The following ARHGAP25 variants were observed in gnomAD, a reference collection of about 807,000 sequenced individuals.
ARHGAP25 encodes the protein rho GTPase-activating protein 25.
In ARHGAP25, 34 loss-of-function variants were observed where a neutral mutation model predicts 71.0. The observed-to-expected ratio is 0.48, with a 90% CI of 0.36 to 0.64. The LOEUF is 0.64. Among genes scored for constraint, ARHGAP25 ranks in the 30% least tolerant of loss-of-function variants. The pLI, the probability that ARHGAP25 is intolerant of heterozygous loss-of-function variation, is 0.00. For missense variants in ARHGAP25, 706 were observed against 805.1 expected (o/e 0.88, Z 1.49); for synonymous variants, 282 against 296.5 (o/e 0.95, Z 0.50).
intron 4 of ARHGAP25, among the ~76,000 whole-genome samples, chr2:68,800,177 G>C (rs1470308234): frequency 6.6e-6 from 1 of 152,012 alleles, no homozygotes; most frequent in East Asian, 1.9e-4. Context: ...AGTGCTGAGC[G>C]GGCAGGCACA....
rs113791999 is a variant in ARHGAP25 at position 68,751,477 on chromosome 2, G to A, written c.61+16217G>A. On this transcript the variant is annotated intron_variant, in intron 1 of 10. Coordinates refer to ENST00000409202, the MANE Select transcript of ARHGAP25 (RefSeq NM_001007231.3). ...CAGTTAAGACTCTTACTATCCTCCA[G>A]TTAGCAGTAGATTTCCTCCTATTCG... is the stretch of plus-strand genomic sequence containing the variant. Among the ~76,000 whole-genome samples, 1,228 of 152,300 alleles carry A rather than the reference G, an allele frequency of 8.1e-3. 15 individuals carry two copies. Among genetic ancestry groups the A allele is most frequent in the African/African-American group, 0.028 (1,146 of 41,556 alleles).
At chr2:68,807,859 A>T (rs1440146404) in intron 5 of ARHGAP25, among the ~76,000 whole-genome samples, 2 of 152,200 alleles carry the variant, frequency 1.3e-5, no homozygotes, top group African/African-American at 4.8e-5. Flanking sequence ...CACTCAGTGT[A>T]GTGGAGAATG....
At chr2:68,808,715 C>A (rs1030009146) in intron 5 of ARHGAP25, among the ~76,000 whole-genome samples, 1 of 152,162 alleles carries the variant, frequency 6.6e-6, no homozygotes, top group African/African-American at 2.4e-5. Flanking sequence ...TATTCAGTTT[C>A]TTTTTATGTT....
At chr2:68,711,914 T>G (rs750655269) in intron 2 of ARHGAP25, among the ~76,000 whole-genome samples, 26 of 152,188 alleles carry the variant, frequency 1.7e-4, no homozygotes, top group Non-Finnish European at 3.7e-4. Context: ...ATCCAGTCTA[T>G]CATTGTGCAT....
chr2:68,816,244 G>A (rs756317698), intron 6 of ARHGAP25, 45 bp from the exon 7 acceptor site: 6 of 1,502,984 alleles, frequency 4.0e-6, no homozygotes, highest in South Asian at 2.3e-5. Flanking sequence ...ACATGGGCAG[G>A]CTCATTTACT....
chr2:68,819,583 C>T (rs763616928), intron 9 of ARHGAP25: 96 of 638,516 alleles, frequency 1.5e-4, no homozygotes, highest in Admixed American at 2.4e-4. Context: ...CTGAAGCCCA[C>T]TCTGAAAGAG....
At chr2:68,734,545 A>C (rs981373826), upstream of ARHGAP25, among the ~76,000 whole-genome samples, 1 of 152,206 alleles carries the variant, frequency 6.6e-6, no homozygotes, top group Non-Finnish European at 1.5e-5. Context: ...CCATTTTTGG[A>C]TGCTTGATCC....
intron 1 of ARHGAP25, among the ~76,000 whole-genome samples, chr2:68,737,018 A>G (rs1675256235): frequency 6.6e-6 from 1 of 152,132 alleles, no homozygotes; most frequent in South Asian, 2.1e-4. Context: ...AGCCAACAAA[A>G]ACAAGCAGAT....
intron 2 of ARHGAP25, among the ~76,000 whole-genome samples, chr2:68,778,769 G>A (rs549969645): frequency 2.0e-5 from 3 of 152,298 alleles, no homozygotes; most frequent in South Asian, 2.1e-4. Flanking sequence ...TATTTATAAT[G>A]AGAAACATTG....
chr2:68,807,134 C>G, intron 4 of ARHGAP25, 139 bp from the exon 5 acceptor site: 1 of 767,790 alleles, frequency 1.3e-6, no homozygotes, highest in Non-Finnish European at 2.2e-6. Flanking sequence ...AGGAAATATT[C>G]TGAGTGATTT....
At chr2:68,779,866 CATTT>C (rs1211824241) in intron 2 of ARHGAP25, among the ~76,000 whole-genome samples, 1 of 152,224 alleles carries the variant, frequency 6.6e-6, no homozygotes, top group Non-Finnish European at 1.5e-5. Flanking sequence ...TTCTTCTTGC[CATTT>C]ATGAAGTTCA....
intron 8 of ARHGAP25, among the ~76,000 whole-genome samples, chr2:68,818,428 A>T (rs1267201480): frequency 5.9e-5 from 9 of 152,162 alleles, no homozygotes; most frequent in Admixed American, 5.9e-4. Flanking sequence ...CCAGGGTTCA[A>T]GTGATTCTCC....
chr2:68,744,559 T>C (rs1294898801), intron 1 of ARHGAP25, among the ~76,000 whole-genome samples: 2 of 152,210 alleles, frequency 1.3e-5, no homozygotes, highest in Non-Finnish European at 2.9e-5. Flanking sequence ...ATATGCAGTG[T>C]GACTGTGACT....
intron 1 of ARHGAP25, among the ~76,000 whole-genome samples, chr2:68,743,149 CAA>C (rs1223730341): frequency 6.6e-6 from 1 of 152,158 alleles, no homozygotes; most frequent in Admixed American, 6.5e-5. Flanking sequence ...TTTGGGTAGG[CAA>C]AGAGTGACTC....
At chr2:68,758,885 G>A (rs1227795601) in intron 1 of ARHGAP25, among the ~76,000 whole-genome samples, 1 of 151,858 alleles carries the variant, frequency 6.6e-6, no homozygotes, top group Non-Finnish European at 1.5e-5. Context: ...ATTTTAAAAG[G>A]TAGGTATCGT....
Position 68,822,323 on chromosome 2 carries a change from G to T in ARHGAP25, c.1201-17G>T, listed in dbSNP as rs1299174462. On this transcript the variant is annotated splice_polypyrimidine_tract_variant and intron_variant, in intron 9 of 10. Coordinates refer to ENST00000409202, the MANE Select transcript of ARHGAP25 (RefSeq NM_001007231.3). ...GGTGAAAACCCCATGTGACATCCAT[G>T]GCCATTTCTTTTCTAGACAAGCGAC... 2.5e-6 allele frequency: 4 copies of T among 1,606,340 alleles called. No homozygotes were observed.
At chr2:68,717,390 G>A (rs1228940464) in intron 2 of ARHGAP25, among the ~76,000 whole-genome samples, 1 of 152,182 alleles carries the variant, frequency 6.6e-6, no homozygotes, top group Non-Finnish European at 1.5e-5. Flanking sequence ...GAAGCATTGT[G>A]ATCTGGCCCA....
intron 2 of ARHGAP25, among the ~76,000 whole-genome samples, chr2:68,777,663 C>T (rs1678020005): frequency 6.6e-6 from 1 of 152,122 alleles, no homozygotes. Flanking sequence ...AGCAAAACCA[C>T]ACAACCCTTC....
intron 1 of ARHGAP25, among the ~76,000 whole-genome samples, chr2:68,754,455 A>G (rs1300679642): frequency 1.3e-5 from 2 of 152,184 alleles, no homozygotes; most frequent in Non-Finnish European, 2.9e-5. Context: ...GTTGAGTGGT[A>G]TTCTATTGTA....
Sources: gnomAD v4.1 joint callset for allele counts (sites outside exome capture counted in the v4.1 genomes callset) on GRCh38, gnomAD v4.1.1 for gene constraint, MANE v1.5 for transcripts, NCBI Gene and HGNC (gene_info 2026-07-23, HGNC 2026-07-21) for gene names.